CLPTM1L: variants seen among roughly 807,000 people sequenced by gnomAD.
CLPTM1L encodes lipid scramblase CLPTM1L.
A neutral mutation model predicts 70.9 loss-of-function variants in CLPTM1L; 38 were observed. The ratio of observed to expected loss-of-function variants is 0.54; its 90% confidence interval spans 0.41 to 0.70. CLPTM1L has a LOEUF of 0.70. CLPTM1L is among the 30% of genes least tolerant of loss of function. The pLI is 0.00. For synonymous variants in CLPTM1L, 339 were observed against 299.9 expected, an observed-to-expected ratio of 1.13 and a Z score of -1.35; for missense variants, 652 against 705.9, an observed-to-expected ratio of 0.92 and a Z score of 0.87.
rs1233053267 is a variant in CLPTM1L at position 1,342,749 on chromosome 5, T to C, written c.264-889A>G. On this transcript the variant is annotated intron_variant, in intron 2 of 16. Transcript: ENST00000320895. The surrounding 1 kb of genome is among the most constrained non-coding windows in gnomAD (Gnocchi z 4.3). ...CTACAGGTGGGCGTGCCACCATGCC[T>C]GGCTAACTTTGAAAACTGTTGTAGA... Among the ~76,000 whole-genome samples the C allele has an allele frequency of 6.6e-6, 1 of 152,190 alleles. No individual in the cohort carries two copies. The highest frequency in any genetic ancestry group is 2.4e-5 in the African/African-American group (1 of 41,450).
In CLPTM1L at chr5:1,331,841, A is replaced by G. The variant is rs755244914; in HGVS notation, c.934T>C (p.Trp312Arg). ...FLAFKNDISF[W>R]KKKKSMIGMS... The stretch of plus-strand genomic sequence containing the variant: ...CCGATCATGCTCTTCTTCTTCTTCC[A>G]GAAACTGATGTCATTTTTAAAGGCC... Residue 312 changes from tryptophan to arginine, a missense_variant, in exon 8 of 17, where the codon TGG (tryptophan) becomes CGG (arginine). Around this residue, in one of 3 missense-constraint regions of CLPTM1L, gnomAD observed 240 missense variants for 295.0 expected, o/e 0.81. Transcript: ENST00000320895. The G allele has an allele frequency of 6.2e-7, 1 of 1,613,454 alleles. No individual in the cohort carries two copies. The highest frequency in any genetic ancestry group is 1.3e-5 in the African/African-American group (1 of 75,056).
chr5:1,336,172 C>T (rs1187078386), intron 5 of CLPTM1L, among the ~76,000 whole-genome samples: 5 of 152,210 alleles, frequency 3.3e-5, no homozygotes, highest in Middle Eastern at 3.2e-3. Context: ...CAAGCGTGTC[C>T]GAAGGGTGTC....
intron 2 of CLPTM1L, 33 bp from the exon 3 acceptor site, chr5:1,341,893 T>C: frequency 1.3e-6 from 2 of 1,540,046 alleles, no homozygotes; most frequent in Non-Finnish European, 1.8e-6. Context: ...ACTACATACA[T>C]ATTATATTCT....
chr5:1,335,121 G>T lies in CLPTM1L; in HGVS notation c.732C>A (p.Val244=), dbSNP rs1210504282. The change falls in exon 6 of 17, where the codon GTC becomes GTA. Residue 244 remains valine (V), a synonymous_variant. Coordinates refer to ENST00000320895, the MANE Select transcript of CLPTM1L (RefSeq NM_030782.5). ...TCCAGAAGCGCAGCCGCCCCAGTGA[G>T]ACCTTGTCGTAGGACACGGTGAGGG... ...ELPLTVSYDK[V]SLGRLRFWIH... 5.0e-6 allele frequency: 8 copies of T among 1,613,762 alleles called. No homozygotes were observed. Among genetic ancestry groups the T allele is most frequent in the Non-Finnish European group, 6.8e-6 (8 of 1,180,034 alleles).
rs201687818 is a variant in CLPTM1L at position 1,325,800 on chromosome 5, T to G, written c.1097A>C (p.Lys366Thr). The G allele has an allele frequency of 1.2e-6, 2 of 1,613,822 alleles. No individual in the cohort carries two copies. The highest frequency in any genetic ancestry group is 1.7e-6 in the Non-Finnish European group (2 of 1,179,858). Reference protein sequence around the residue: ...GAAIELWKVKKALKMTIFWRG... With the variant: ...GAAIELWKVKTALKMTIFWRG... The stretch of plus-strand genomic sequence containing the variant: ...CCAAAAAATAGTCATCTTCAATGCC[T>G]TCTTCACTTTCCACAGCTGAGGGGA... Residue 366 changes from lysine (K) to threonine (T), a missense_variant, in exon 10 of 17, where the codon AAG becomes ACG. By Grantham distance (78) the Lys-to-Thr change is moderately conservative. Transcript: ENST00000320895.
rs942794981 is a variant in CLPTM1L at position 1,344,749 on chromosome 5, G to A, written c.93C>T (p.Val31=). 9 of 1,603,270 alleles carry A rather than the reference G, an allele frequency of 5.6e-6. No individual in the cohort carries two copies. The highest frequency in any genetic ancestry group is 1.3e-5 in the African/African-American group (1 of 74,610). ...CGTCGCCGGAGCACGGGCGGGTGTAGACGATGCCGTACATGACCCAGCAGG... is the reference window on the plus strand; with the variant it reads ...CGTCGCCGGAGCACGGGCGGGTGTAAACGATGCCGTACATGACCCAGCAGG... ...VHTCWVMYGI[V]YTRPCSGDAN... Residue 31 remains valine, a synonymous_variant, in exon 1 of 17, where the codon GTC becomes GTT. Coordinates refer to ENST00000320895, the MANE Select transcript of CLPTM1L (RefSeq NM_030782.5).
At chr5:1,334,985 A>T in intron 6 of CLPTM1L, 72 bp downstream of exon 6, 1 of 1,168,768 alleles carries the variant, frequency 8.6e-7, no homozygotes. Flanking sequence ...GGCCTGTGTC[A>T]GGATTCGCAC....
chr5:1,330,243 G>T, intron 9 of CLPTM1L, 37 bp downstream of exon 9: 1 of 1,545,348 alleles, frequency 6.5e-7, no homozygotes, highest in Non-Finnish European at 8.9e-7. Context: ...GGAGGCACAT[G>T]GACCTCAGAC....
At chr5:1,327,536 C>T (rs1011462466) in intron 9 of CLPTM1L, among the ~76,000 whole-genome samples, 9 of 148,704 alleles carry the variant, frequency 6.1e-5, no homozygotes, top group African/African-American at 2.3e-4. Context: ...AGCTCCTCCT[C>T]TACAGGGACA....
At chr5:1,343,314 G>C (rs961976889) in intron 2 of CLPTM1L, among the ~76,000 whole-genome samples, 3 of 152,214 alleles carry the variant, frequency 2.0e-5, no homozygotes, top group African/African-American at 7.2e-5. Flanking sequence ...TTCAGGCAGA[G>C]GGTGCAGGGC....
In CLPTM1L at chr5:1,338,963, G is replaced by C; in HGVS notation, c.496C>G (p.Pro166Ala). The change falls in exon 4 of 17, where the codon CCA (proline) becomes GCA (alanine). Residue 166 changes from proline to alanine, a missense_variant. Physicochemically the swap from Pro to Ala is conservative, Grantham distance 27. This residue lies in a region of CLPTM1L where 402 missense variants were observed against 388.2 expected (regional missense o/e 1.04). Transcript: ENST00000320895. Reference sequence around the variant, plus strand: ...AGCCGCGGTCGCCAGTGGGACACTGGCTCATCCAGGGCACTCGTCGGCTTC... The same window carrying C: ...AGCCGCGGTCGCCAGTGGGACACTGCCTCATCCAGGGCACTCGTCGGCTTC... ...EKKPTSALDE[P>A]VSHWRPRLAL... 6.2e-7 allele frequency: 1 copy of C among 1,613,390 alleles called. No homozygotes were observed. Among genetic ancestry groups the C allele is most frequent in the Non-Finnish European group, 8.5e-7 (1 of 1,180,022 alleles).
chr5:1,322,179 C>T (rs1752196213), intron 13 of CLPTM1L, among the ~76,000 whole-genome samples: 1 of 152,182 alleles, frequency 6.6e-6, no homozygotes, highest in African/African-American at 2.4e-5. Context: ...GGACTCCTAC[C>T]AGGGAGGACG....
chr5:1,338,163 T>C (rs1753702845), intron 4 of CLPTM1L, 181 bp from the exon 5 acceptor site: 2 of 618,558 alleles, frequency 3.2e-6, no homozygotes, highest in Non-Finnish European at 5.8e-6. Flanking sequence ...CCTGACAACA[T>C]ATGCACGCTT....
At position 1,342,591 on chromosome 5, in the gene CLPTM1L, T is replaced by C. The variant is rs1754019246; in HGVS notation, c.264-731A>G. Among the ~76,000 whole-genome samples, 1 of 152,216 alleles carries C rather than the reference T, an allele frequency of 6.6e-6. No individual in the cohort carries two copies. The highest frequency in any genetic ancestry group is 2.4e-5 in the African/African-American group (1 of 41,472). ...CGGTTACATGAGTTCTTCTTCCTCT[T>C]TAAAAGTCTCTTTTTTGAGACAAGG... On this transcript the variant is annotated intron_variant, in intron 2 of 16. Transcript: ENST00000320895. This position sits in a 1 kb window ranked among gnomAD's most constrained non-coding sequence, Gnocchi z 4.3.
At position 1,334,297 on chromosome 5, in the gene CLPTM1L, C is replaced by A; in HGVS notation, c.883G>T (p.Ala295Ser). ...YFLALTFFVA[A>S]FHLLFDFLAF... ...CCCGGTGGATGACTCACATGGAACG[C>A]TGCGACAAAGAAGGTCAGCGCCAGG... The change falls in exon 7 of 17, where the codon GCG (alanine) becomes TCG (serine). Residue 295 changes from alanine to serine, a missense_variant. Transcript: ENST00000320895. 1 of 1,613,520 alleles carries A rather than the reference C, an allele frequency of 6.2e-7. No homozygotes were observed. The highest frequency in any genetic ancestry group is 8.5e-7 in the Non-Finnish European group (1 of 1,179,558).
At chr5:1,340,550 G>T in intron 3 of CLPTM1L, among the ~76,000 whole-genome samples, 1 of 152,196 alleles carries the variant, frequency 6.6e-6, no homozygotes. Flanking sequence ...CATGCTACAT[G>T]CCCATCACCC....
chr5:1,335,013 T>C (rs1753474533), intron 6 of CLPTM1L, 44 bp downstream of exon 6: 1 of 1,506,674 alleles, frequency 6.6e-7, no homozygotes, highest in Admixed American at 1.7e-5. Flanking sequence ...CCCGAGGGGC[T>C]CCAGGGCGGC....
At chr5:1,327,424 A>AGG (rs1342548602) in intron 9 of CLPTM1L, among the ~76,000 whole-genome samples, 46 of 145,044 alleles carry the variant, frequency 3.2e-4, no homozygotes, top group African/African-American at 1.1e-3. Flanking sequence ...CCTCCTCTAC[A>AGG]GACATATTTC....
In CLPTM1L at chr5:1,344,698, C is replaced by A; in HGVS notation, c.144G>T (p.Ala48=). ...CGCTCACCTGCAGCTTGGGCCGCCGCGCCAGGTAGGGCTGGATGCAGTTGG... is the reference window on the plus strand; with the variant it reads ...CGCTCACCTGCAGCTTGGGCCGCCGAGCCAGGTAGGGCTGGATGCAGTTGG... ...GDANCIQPYL[A]RRPKLQLSVY... The change falls in exon 1 of 17, where the codon GCG becomes GCT. Residue 48 remains alanine (A), a synonymous_variant. Transcript: ENST00000320895. 6.4e-7 allele frequency: 1 copy of A among 1,570,750 alleles called. No individual in the cohort carries two copies. Among genetic ancestry groups the A allele is most frequent in the Non-Finnish European group, 8.6e-7 (1 of 1,159,692 alleles).
Sources: allele counts gnomAD v4.1 joint callset (sites outside exome capture counted in the v4.1 genomes callset), GRCh38; gene constraint gnomAD v4.1.1; regional missense constraint gnomAD v4.1.1; non-coding constraint Gnocchi (gnomAD v3.1); transcripts MANE v1.5; gene names NCBI Gene and HGNC (gene_info 2026-07-23, HGNC 2026-07-21).